BFAR: variants seen among roughly 807,000 people sequenced by gnomAD.
The protein encoded by BFAR is RING finger protein 47.
Under a neutral mutation model 54.4 loss-of-function variants are expected in BFAR, and 52 were observed. That is an observed-to-expected ratio of 0.96 (90% CI 0.77 to 1.21). The LOEUF (loss-of-function observed/expected upper bound fraction) is 1.21. BFAR is among the 50% of genes most tolerant of loss of function. The pLI is 0.00. For synonymous variants in BFAR, 215 were observed against 204.3 expected (o/e 1.05, Z -0.45); for missense variants, 571 against 534.0 (o/e 1.07, Z -0.68).
intron 2 of BFAR, among the ~76,000 whole-genome samples, chr16:14,648,051 G>C (rs1959853123): frequency 6.6e-6 from 1 of 152,000 alleles, no homozygotes; most frequent in South Asian, 2.1e-4. Flanking sequence ...ACCAGCCTGG[G>C]CAACATAGTG....
intron 1 of BFAR, among the ~76,000 whole-genome samples, chr16:14,643,372 A>T (rs1294995889): frequency 6.6e-6 from 1 of 152,088 alleles, no homozygotes; most frequent in Non-Finnish European, 1.5e-5. Flanking sequence ...TTTTCTAAGG[A>T]AGTTAGTGAA....
intron 1 of BFAR, among the ~76,000 whole-genome samples, chr16:14,636,813 G>T (rs577046078): frequency 6.6e-6 from 1 of 152,150 alleles, no homozygotes; most frequent in Non-Finnish European, 1.5e-5. Context: ...GCGGGCTTCC[G>T]CAGTGTTTGC....
rs377737963 is a variant in BFAR at position 14,651,726 on chromosome 16, C to G, written c.638+1753C>G. Among the ~76,000 whole-genome samples the G allele has an allele frequency of 3.3e-5, 5 of 151,920 alleles. No individual in the cohort carries two copies. The East Asian group carries it at 7.8e-4, about 24-fold the overall frequency. ...AACTCCTAGACTCAAACAATCCACC[C>G]GCCTGAGCTTCCCAAAATGTTGTGA... On this transcript the variant is annotated intron_variant, in intron 4 of 7. Coordinates refer to ENST00000261658, the MANE Select transcript of BFAR (RefSeq NM_016561.3).
intron 1 of BFAR, among the ~76,000 whole-genome samples, chr16:14,638,383 C>G (rs981604584): frequency 2.0e-5 from 3 of 152,118 alleles, no homozygotes; most frequent in Admixed American, 2.0e-4. Context: ...GACCCTGTCT[C>G]TAAAAAAGAA....
intron 1 of BFAR, among the ~76,000 whole-genome samples, chr16:14,641,124 G>A (rs768982282): frequency 1.3e-5 from 2 of 152,140 alleles, no homozygotes; most frequent in African/African-American, 4.8e-5. Context: ...ATTGCTTCTC[G>A]CCCTTTTGGC....
chr16:14,650,508 C>T (rs545111310), intron 4 of BFAR: 1 of 152,372 alleles, frequency 6.6e-6, no homozygotes, highest in East Asian at 1.9e-4. Flanking sequence ...CCCCAACCCC[C>T]AGCCCCTGGC....
At chr16:14,645,890 A>G (rs1479430622) in intron 2 of BFAR, among the ~76,000 whole-genome samples, 5 of 152,156 alleles carry the variant, frequency 3.3e-5, no homozygotes, top group Admixed American at 3.3e-4. Context: ...ATTCTTTGAG[A>G]CAAAGTCTCA....
chr16:14,644,206 C>A, intron 1 of BFAR, 68 bp from the exon 2 acceptor site: 4 of 835,062 alleles, frequency 4.8e-6, no homozygotes, highest in African/African-American at 1.7e-5. Flanking sequence ...AATGTCAATA[C>A]TTTTATATTA....
rs1325586957 is a variant in BFAR, at chr16:14,649,963, G to C, written c.628G>C (p.Val210Leu). ...CAGGGAAAGGTTTTTATCTGAACGA[G>C]TAAATGGAAGGTGAGGAGCAAAGTC... is the stretch of plus-strand genomic sequence containing the variant. ...LYRERFLSER[V>L]NGRLLLTLTE... The change falls in exon 4 of 8, where the codon GTA becomes CTA. Residue 210 changes from valine to leucine, a missense_variant. Physicochemically the swap from Val to Leu is conservative, Grantham distance 32. Coordinates refer to ENST00000261658, the MANE Select transcript of BFAR (RefSeq NM_016561.3). 1.9e-5 allele frequency: 30 copies of C among 1,607,312 alleles called. No homozygotes were observed. The highest frequency in any genetic ancestry group is 2.5e-5 in the Non-Finnish European group (29 of 1,176,276).
chr16:14,633,717 A>G (rs1462749109), intron 1 of BFAR, among the ~76,000 whole-genome samples: 2 of 152,222 alleles, frequency 1.3e-5, no homozygotes, highest in East Asian at 1.9e-4. Flanking sequence ...CGGTGGAGCA[A>G]TCTCGGCTCA....
chr16:14,636,407 G>T (rs1216172294), intron 1 of BFAR, among the ~76,000 whole-genome samples: 1 of 152,208 alleles, frequency 6.6e-6, no homozygotes, highest in East Asian at 1.9e-4. Context: ...GTGAACAAAG[G>T]TCTCTGCATC....
Position 14,648,386 on chromosome 16 carries a change from A to G in BFAR, c.264-2A>G. 6.2e-7 allele frequency: 1 copy of G among 1,607,742 alleles called. No individual in the cohort carries two copies. Among genetic ancestry groups the G allele is most frequent in the Non-Finnish European group, 8.5e-7 (1 of 1,174,806 alleles). On this transcript the variant is annotated splice_acceptor_variant, in intron 2 of 7. Transcript: ENST00000261658. LOFTEE classifies it high-confidence loss of function. ...TTAATTTTTTTTTTCTATTCTCCAT[A>G]GGGATGCCATTGAAAAGTTATTTCC...
At position 14,669,163 on chromosome 16, in the gene BFAR, C is replaced by T. The variant is rs1428114560; in HGVS notation, c.*1336C>T. The T allele has an allele frequency of 2.9e-6, 1 of 346,682 alleles. No homozygotes were observed. Among genetic ancestry groups the T allele is most frequent in the Non-Finnish European group, 6.0e-6 (1 of 167,196 alleles). The allele number at this position is 346,682 out of a possible 1,614,324, so 21.5% of individuals were successfully genotyped here. A position where few individuals can be genotyped will look rare whatever the true frequency, so the allele number is the denominator to read the frequency against. On this transcript the variant is annotated 3_prime_UTR_variant, in exon 8 of 8. Coordinates refer to ENST00000261658, the MANE Select transcript of BFAR (RefSeq NM_016561.3). ...TTTGTATCTTTGAGTGAAAATTTTACTCAAAAGTTGCATCTGGAAGTTCGA... is the reference window on the plus strand; with the variant it reads ...TTTGTATCTTTGAGTGAAAATTTTATTCAAAAGTTGCATCTGGAAGTTCGA...
chr16:14,664,871 T>A lies in BFAR; in HGVS notation c.960T>A (p.Asp320Glu). 1 of 1,612,928 alleles carries A rather than the reference T, an allele frequency of 6.2e-7. No homozygotes were observed. Among genetic ancestry groups the A allele is most frequent in the East Asian group, 2.2e-5 (1 of 44,876 alleles). Reference protein sequence around the residue: ...SGEDIVTKLLDLKEPTWKQWR... With the variant: ...SGEDIVTKLLELKEPTWKQWR... ...GCGTCTGTGTGTTATTTTTTAAGGATCTTAAGGAGCCTACGTGGAAGCAGT... is the reference window on the plus strand; with the variant it reads ...GCGTCTGTGTGTTATTTTTTAAGGAACTTAAGGAGCCTACGTGGAAGCAGT... Residue 320 changes from aspartate (D) to glutamate (E), a missense_variant and splice_region_variant, in exon 7 of 8, where the codon GAT becomes GAA. Transcript: ENST00000261658.
chr16:14,642,490 G>A (rs1205441364), intron 1 of BFAR, among the ~76,000 whole-genome samples: 1 of 152,124 alleles, frequency 6.6e-6, no homozygotes, highest in African/African-American at 2.4e-5. Flanking sequence ...AAACCCAGAT[G>A]AAAACAAGAA....
At chr16:14,638,693 C>T (rs1426822513) in intron 1 of BFAR, among the ~76,000 whole-genome samples, 1 of 152,192 alleles carries the variant, frequency 6.6e-6, no homozygotes, top group Non-Finnish European at 1.5e-5. Context: ...CGCCTGTAAT[C>T]CCAACACTTT....
chr16:14,635,108 G>T (rs1216842478), intron 1 of BFAR, among the ~76,000 whole-genome samples: 3 of 152,210 alleles, frequency 2.0e-5, no homozygotes, highest in Non-Finnish European at 4.4e-5. Flanking sequence ...GCCAAGGCGG[G>T]CAGATTGCTT....
intron 4 of BFAR, among the ~76,000 whole-genome samples, chr16:14,654,578 G>C (rs1446160535): frequency 7.1e-6 from 1 of 141,650 alleles, no homozygotes; most frequent in Non-Finnish European, 1.5e-5. Context: ...CGAGATCTTA[G>C]CTCACTGCAA....
At chr16:14,634,167 G>C (rs968339212) in intron 1 of BFAR, among the ~76,000 whole-genome samples, 1 of 152,142 alleles carries the variant, frequency 6.6e-6, no homozygotes, top group Non-Finnish European at 1.5e-5. Context: ...GGGTGGTCTT[G>C]ATGTCATGCT....
Sources: allele counts gnomAD v4.1 joint callset (sites outside exome capture counted in the v4.1 genomes callset), GRCh38; gene constraint gnomAD v4.1.1; transcripts MANE v1.5; gene names NCBI Gene and HGNC (gene_info 2026-07-23, HGNC 2026-07-21).